Variants in STK31 observed in about 807,000 individuals in gnomAD.
STK31 encodes serine/threonine-protein kinase 31.
Under a neutral mutation model 129.7 loss-of-function variants are expected in STK31, and 89 were observed. The observed-to-expected ratio is 0.69, with a 90% CI of 0.58 to 0.82. STK31 has a LOEUF of 0.82. Ranked by LOEUF, STK31 falls within the 40% of genes least tolerant of loss-of-function variation. STK31 has a pLI of 0.00. For synonymous variants in STK31, 448 were observed against 395.3 expected (o/e 1.13, Z -1.58); for missense variants, 1,187 against 1,176.4 (o/e 1.01, Z -0.13).
intron 19 of STK31, 91 bp from the exon 20 acceptor site, chr7:23,786,747 A>G (rs1367359184): frequency 6.5e-7 from 1 of 1,542,642 alleles, no homozygotes; most frequent in Non-Finnish European, 8.8e-7. Context: ...CCCTTAACAT[A>G]AAAGAAAAAT....
At chr7:23,823,040 A>G (rs1438679108) in intron 23 of STK31, among the ~76,000 whole-genome samples, 1 of 152,208 alleles carries the variant, frequency 6.6e-6, no homozygotes, top group Non-Finnish European at 1.5e-5. Context: ...TATTGTGAAT[A>G]GTGCCGCAAT....
intron 14 of STK31, 48 bp downstream of exon 14, chr7:23,771,172 T>G: frequency 6.8e-7 from 1 of 1,479,446 alleles, no homozygotes. Context: ...ATGATTTGAA[T>G]TTTTCAGTAC....
chr7:23,710,723 T>C, intron 1 of STK31: 1 of 1,069,596 alleles, frequency 9.3e-7, no homozygotes, highest in Non-Finnish European at 1.1e-6. Flanking sequence ...TATTTTGTGA[T>C]CTCTGTTTGC....
chr7:23,782,712 A>G (rs902136987), intron 16 of STK31, among the ~76,000 whole-genome samples: 1 of 152,118 alleles, frequency 6.6e-6, no homozygotes, highest in Non-Finnish European at 1.5e-5. Context: ...ATTTATTTCA[A>G]AGTTACTTAT....
intron 23 of STK31, among the ~76,000 whole-genome samples, chr7:23,820,264 T>C (rs1793721602): frequency 1.3e-5 from 2 of 152,182 alleles, no homozygotes; most frequent in Admixed American, 6.5e-5. Context: ...GTTGGCCCAG[T>C]GGAACCTATG....
chr7:23,773,508 T>C (rs192899209), intron 15 of STK31, among the ~76,000 whole-genome samples: 1 of 152,328 alleles, frequency 6.6e-6, no homozygotes, highest in Non-Finnish European at 1.5e-5. Context: ...AACCTACATG[T>C]GCATGTGTCT....
chr7:23,772,172 T>C lies in STK31; in HGVS notation c.1859T>C (p.Leu620Ser), dbSNP rs1411680429. 1 of 1,587,570 alleles carries C rather than the reference T, an allele frequency of 6.3e-7. No individual in the cohort carries two copies. Among genetic ancestry groups the C allele is most frequent in the Non-Finnish European group, 8.6e-7 (1 of 1,169,000 alleles). ...IEFKKQLIEY[L>S]NKSPSVDHLL... ...TTTAAAAAGCAGCTTATTGAATATT[T>C]AAATAAGAGTCCCAGTGTGGATCAC... is the stretch of plus-strand genomic sequence containing the variant. Residue 620 changes from leucine (L) to serine (S), a missense_variant, in exon 15 of 24, where the codon TTA becomes TCA. Physicochemically the swap from Leu to Ser is moderately radical, Grantham distance 145. This residue lies in a region of STK31 where 975 missense variants were observed against 934.9 expected (regional missense o/e 1.04). Coordinates refer to ENST00000355870, the MANE Select transcript of STK31 (RefSeq NM_031414.5).
chr7:23,818,486 A>G (rs1015577523), intron 23 of STK31, among the ~76,000 whole-genome samples: 3 of 152,076 alleles, frequency 2.0e-5, no homozygotes, highest in African/African-American at 7.2e-5. Context: ...ACAGGGGTAT[A>G]TTTTTAGTTT....
intron 5 of STK31, among the ~76,000 whole-genome samples, chr7:23,728,866 G>T (rs564050291): frequency 6.6e-6 from 1 of 152,184 alleles, no homozygotes; most frequent in East Asian, 1.9e-4. Context: ...GGTACTGTTG[G>T]AATTTAACTA....
chr7:23,781,830 G>A (rs527770938), intron 16 of STK31, among the ~76,000 whole-genome samples: 62 of 152,104 alleles, frequency 4.1e-4, no homozygotes, highest in African/African-American at 1.5e-3. Flanking sequence ...GTATTTTTTT[G>A]TTTGTTTTTA....
At chr7:23,828,964 A>G (rs1292729745) in intron 23 of STK31, among the ~76,000 whole-genome samples, 1 of 150,160 alleles carries the variant, frequency 6.7e-6, no homozygotes, top group Non-Finnish European at 1.5e-5. Flanking sequence ...CAGTGGCGTG[A>G]TCTCAGCGCG....
At chr7:23,749,914 A>T (rs1003464192) in intron 8 of STK31, among the ~76,000 whole-genome samples, 3 of 151,984 alleles carry the variant, frequency 2.0e-5, no homozygotes, top group Admixed American at 2.0e-4. Flanking sequence ...ATGTGGAAGG[A>T]TAGAGCTGGC....
intron 23 of STK31, among the ~76,000 whole-genome samples, chr7:23,829,825 C>T (rs2128134354): frequency 6.6e-6 from 1 of 152,300 alleles, no homozygotes; most frequent in Middle Eastern, 3.4e-3. Context: ...CTGGTCTGTT[C>T]ATGTTTTCTA....
chr7:23,771,137 T>G lies in STK31; in HGVS notation c.1833+13T>G. 6.4e-7 allele frequency: 1 copy of G among 1,551,846 alleles called. No individual in the cohort carries two copies. The highest frequency in any genetic ancestry group is 8.6e-7 in the Non-Finnish European group (1 of 1,156,788). On this transcript the variant is annotated intron_variant, in intron 14 of 23. Transcript: ENST00000355870. The stretch of plus-strand genomic sequence containing the variant: ...GGACAGTATTGAGGTTTGATTGTGC[T>G]TTCTCTTATTGATCTTATAAATTGA...
At chr7:23,822,014 A>G (rs1793812673) in intron 23 of STK31, among the ~76,000 whole-genome samples, 1 of 152,086 alleles carries the variant, frequency 6.6e-6, no homozygotes, top group Non-Finnish European at 1.5e-5. Flanking sequence ...CTATTTCTAT[A>G]CTAATAAAAC....
chr7:23,711,336 G>A (rs1785947540), intron 1 of STK31, among the ~76,000 whole-genome samples: 2 of 151,782 alleles, frequency 1.3e-5, no homozygotes, highest in Admixed American at 1.3e-4. Context: ...ACTTGGGAGG[G>A]TGAGGCAGGA....
At chr7:23,731,347 A>G (rs561509528) in intron 6 of STK31, among the ~76,000 whole-genome samples, 2 of 152,338 alleles carry the variant, frequency 1.3e-5, no homozygotes, top group South Asian at 2.1e-4. Flanking sequence ...CTAATCTTCT[A>G]TATGAAGTCT....
chr7:23,822,985 C>T (rs1278653113), intron 23 of STK31, among the ~76,000 whole-genome samples: 1 of 152,194 alleles, frequency 6.6e-6, no homozygotes, highest in Non-Finnish European at 1.5e-5. Flanking sequence ...TTTTCTTAAT[C>T]CAGCCTATCA....
intron 13 of STK31, among the ~76,000 whole-genome samples, chr7:23,770,731 T>C (rs1453228085): frequency 6.6e-6 from 1 of 152,080 alleles, no homozygotes; most frequent in East Asian, 1.9e-4. Context: ...TCAGCCTCCC[T>C]TGTAGCTAGG....
Sources: gnomAD v4.1 joint callset for allele counts (sites outside exome capture counted in the v4.1 genomes callset) on GRCh38, gnomAD v4.1.1 for gene constraint, gnomAD v4.1.1 regional missense constraint, MANE v1.5 for transcripts, NCBI Gene and HGNC (gene_info 2026-07-23, HGNC 2026-07-21) for gene names.